FAT3: variants seen among roughly 807,000 people sequenced by gnomAD.
The protein encoded by FAT3 is protocadherin Fat 3.
Under a neutral mutation model 310.2 loss-of-function variants are expected in FAT3, and 95 were observed. The observed-to-expected ratio is 0.31, with a 90% CI of 0.26 to 0.36. FAT3 has a LOEUF of 0.36. Ranked by LOEUF, FAT3 falls within the 10% of genes least tolerant of loss-of-function variation. FAT3 has a pLI of 1.00. For synonymous variants in FAT3, 2,314 were observed against 2,192.9 expected (o/e 1.06, Z -1.54); for missense variants, 5,408 against 5,715.6 (o/e 0.95, Z 1.74).
intron 2 of FAT3, among the ~76,000 whole-genome samples, chr11:92,478,200 C>A (rs1247468338): frequency 6.6e-6 from 1 of 152,202 alleles, no homozygotes; most frequent in Non-Finnish European, 1.5e-5. Flanking sequence ...AAACTGTCTT[C>A]AGCTGGTAAC....
chr11:92,354,281 A>G lies in FAT3; in HGVS notation c.2169A>G (p.Pro723=). The change falls in exon 2 of 28, where the codon CCA becomes CCG. Residue 723 remains proline, a synonymous_variant. Transcript: ENST00000525166. The part of the protein sequence containing the change: ...LDFYSINRQG[P]YFDKSFPSDV... ...TTTATTCAATTAATAGACAGGGACCATATTTTGACAAGTCTTTTCCTTCTG... is the reference window on the plus strand; with the variant it reads ...TTTATTCAATTAATAGACAGGGACCGTATTTTGACAAGTCTTTTCCTTCTG... 1 of 1,613,728 alleles carries G rather than the reference A, an allele frequency of 6.2e-7. No individual in the cohort carries two copies. Among genetic ancestry groups the G allele is most frequent in the African/African-American group, 1.3e-5 (1 of 75,054 alleles).
chr11:92,477,470 A>C (rs147680315), intron 2 of FAT3, among the ~76,000 whole-genome samples: 36 of 152,320 alleles, frequency 2.4e-4, no homozygotes, highest in African/African-American at 8.2e-4. Context: ...GTCCTTTTAT[A>C]AGTACTTGTT....
intron 1 of FAT3, among the ~76,000 whole-genome samples, chr11:92,321,628 T>A (rs1311017153): frequency 6.6e-6 from 1 of 152,152 alleles, no homozygotes; most frequent in African/African-American, 2.4e-5. Context: ...GAGGTTTGCC[T>A]TTCTCTTCAT....
chr11:92,697,287 C>G (rs1248045407), intron 3 of FAT3, 97 bp from the exon 4 acceptor site: 1 of 969,228 alleles, frequency 1.0e-6, no homozygotes, highest in African/African-American at 1.6e-5. Flanking sequence ...CAGTTCCATA[C>G]CACTTTTGCT....
At chr11:92,538,650 C>T (rs1954340071) in intron 3 of FAT3, among the ~76,000 whole-genome samples, 1 of 151,996 alleles carries the variant, frequency 6.6e-6, no homozygotes, top group African/African-American at 2.4e-5. Flanking sequence ...TGCTATAAAC[C>T]AGGTACAATG....
chr11:92,870,797 G>A (rs146358190), intron 22 of FAT3, among the ~76,000 whole-genome samples: 14 of 152,272 alleles, frequency 9.2e-5, no homozygotes, highest in Admixed American at 1.3e-4. Flanking sequence ...GATTCTTAAT[G>A]GTAAGAGCTA....
At chr11:92,770,991 G>T (rs1565581148) in intron 6 of FAT3, among the ~76,000 whole-genome samples, 2 of 152,136 alleles carry the variant, frequency 1.3e-5, no homozygotes, top group African/African-American at 2.4e-5. Context: ...GACCGAAAAT[G>T]GTCAAAGAGA....
rs1018656495 is a variant in FAT3, at chr11:92,895,224, A to C, written c.*4111A>C. ...GAAGAGGCATTTATTCCTTGTCATCATTTTGTGTGCTCTGTGAGAAGGTGG... is the reference window on the plus strand; with the variant it reads ...GAAGAGGCATTTATTCCTTGTCATCCTTTTGTGTGCTCTGTGAGAAGGTGG... On this transcript the variant is annotated 3_prime_UTR_variant, in exon 28 of 28. Coordinates refer to ENST00000525166, the MANE Select transcript of FAT3 (RefSeq NM_001367949.2). 1 of 152,168 alleles carries C rather than the reference A, an allele frequency of 6.6e-6. No individual in the cohort carries two copies. The highest frequency in any genetic ancestry group is 2.4e-5 in the African/African-American group (1 of 41,448). 9.4% of individuals were successfully genotyped at this position (152,168 alleles called of 1,614,324 possible).
intron 3 of FAT3, among the ~76,000 whole-genome samples, chr11:92,634,775 A>G (rs1022348730): frequency 6.6e-6 from 1 of 152,192 alleles, no homozygotes; most frequent in Non-Finnish European, 1.5e-5. Context: ...TGTGTTCCCC[A>G]AAAATTCATA....
chr11:92,246,042 C>T (rs1405935477), intron 1 of FAT3, among the ~76,000 whole-genome samples: 1 of 152,048 alleles, frequency 6.6e-6, no homozygotes, highest in Non-Finnish European at 1.5e-5. Context: ...TGAAAGAGGC[C>T]ATTGGACTTG....
intron 1 of FAT3, among the ~76,000 whole-genome samples, chr11:92,226,585 G>A (rs963877383): frequency 2.6e-5 from 4 of 151,886 alleles, no homozygotes; most frequent in African/African-American, 9.7e-5. Flanking sequence ...CAAACCAGGC[G>A]GTGGAGAGGG....
chr11:92,889,415 A>C (rs1405946919), intron 26 of FAT3, among the ~76,000 whole-genome samples, 167 bp downstream of exon 26: 1 of 144,972 alleles, frequency 6.9e-6, no homozygotes, highest in African/African-American at 2.6e-5. Flanking sequence ...AAAAAAAAAA[A>C]CCCAGTTCAT....
chr11:92,265,898 G>A (rs1305810952), intron 1 of FAT3, among the ~76,000 whole-genome samples: 1 of 152,030 alleles, frequency 6.6e-6, no homozygotes, highest in Non-Finnish European at 1.5e-5. Flanking sequence ...CATCTTTGGG[G>A]AAGACAAATA....
At chr11:92,641,990 G>A (rs539710498) in intron 3 of FAT3, among the ~76,000 whole-genome samples, 3 of 152,238 alleles carry the variant, frequency 2.0e-5, no homozygotes, top group Non-Finnish European at 1.5e-5. Flanking sequence ...TGTAGAAGCC[G>A]TTTGAGGAAG....
chr11:92,269,984 A>C (rs1382644444), intron 1 of FAT3, among the ~76,000 whole-genome samples: 3 of 152,080 alleles, frequency 2.0e-5, no homozygotes, highest in African/African-American at 7.2e-5. Context: ...TTCAGAAATA[A>C]TTGATGGTGA....
intron 3 of FAT3, among the ~76,000 whole-genome samples, chr11:92,615,532 C>A (rs1345269154): frequency 5.3e-5 from 8 of 152,164 alleles, no homozygotes; most frequent in African/African-American, 1.9e-4. Flanking sequence ...CAGGCGTAAG[C>A]CACCGCGCCT....
chr11:92,253,492 T>C (rs546764950), intron 1 of FAT3, among the ~76,000 whole-genome samples: 1 of 152,250 alleles, frequency 6.6e-6, no homozygotes, highest in African/African-American at 2.4e-5. Flanking sequence ...GTGATCAGCA[T>C]TGCCCTTTGT....
At chr11:92,637,713 A>G (rs1293229554) in intron 3 of FAT3, among the ~76,000 whole-genome samples, 2 of 152,144 alleles carry the variant, frequency 1.3e-5, no homozygotes, top group Non-Finnish European at 2.9e-5. Flanking sequence ...TCCCAAGGAA[A>G]TAAGAGCAAG....
At chr11:92,278,032 A>G (rs975671725) in intron 1 of FAT3, among the ~76,000 whole-genome samples, 4 of 152,096 alleles carry the variant, frequency 2.6e-5, no homozygotes, top group African/African-American at 9.7e-5. Flanking sequence ...GTGAGCTGTA[A>G]TTGCACCACT....
Sources: gnomAD v4.1 joint callset for allele counts (sites outside exome capture counted in the v4.1 genomes callset) on GRCh38, gnomAD v4.1.1 for gene constraint, MANE v1.5 for transcripts, NCBI Gene and HGNC (gene_info 2026-07-23, HGNC 2026-07-21) for gene names.